Variants in PHLDB1 observed in about 807,000 individuals in gnomAD.
The protein encoded by PHLDB1 is pleckstrin homology-like domain family B member 1.
Under a neutral mutation model 139.3 loss-of-function variants are expected in PHLDB1, and 65 were observed. That is an observed-to-expected ratio of 0.47 (90% CI 0.38 to 0.57). PHLDB1 has a LOEUF of 0.57. Among genes scored for constraint, PHLDB1 ranks in the 20% least tolerant of loss-of-function variants. PHLDB1 has a pLI of 0.00. For missense variants in PHLDB1, 1,624 were observed against 1,839.7 expected, an observed-to-expected ratio of 0.88 and a Z score of 2.14; for synonymous variants, 679 against 734.5, an observed-to-expected ratio of 0.92 and a Z score of 1.22.
intron 22 of PHLDB1, among the ~76,000 whole-genome samples, 179 bp from the exon 23 acceptor site, chr11:118,656,503 AG>A (rs1949089397): frequency 6.6e-6 from 1 of 152,172 alleles, no homozygotes; most frequent in Admixed American, 6.5e-5. Context: ...TGGTGTGAGA[AG>A]GGAACATTTC....
At chr11:118,635,830 G>A (rs1330432343) in intron 10 of PHLDB1, among the ~76,000 whole-genome samples, 3 of 152,176 alleles carry the variant, frequency 2.0e-5, no homozygotes, top group Non-Finnish European at 4.4e-5. Context: ...CTTGGCACTG[G>A]CCCAGCAGGA....
chr11:118,608,204 G>A lies in PHLDB1; in HGVS notation c.-22+505G>A, dbSNP rs1457706712. Among the ~76,000 whole-genome samples, 3 of 152,120 alleles carry A rather than the reference G, an allele frequency of 2.0e-5. No individual in the cohort carries two copies. The highest frequency in any genetic ancestry group is 4.4e-5 in the Non-Finnish European group (3 of 67,990). On this transcript the variant is annotated intron_variant, in intron 1 of 22. Transcript: ENST00000600882. This position sits in a 1 kb window ranked among gnomAD's most constrained non-coding sequence, Gnocchi z 6.7. ...TTGATGGACCAGGAAGGGATTCGGA[G>A]TCCGGCTCAGAGTCTTGAGCGTCTA...
chr11:118,648,091 G>A lies in PHLDB1; in HGVS notation c.3654+15G>A. 3.1e-6 allele frequency: 5 copies of A among 1,612,088 alleles called. No homozygotes were observed. Among genetic ancestry groups the A allele is most frequent in the African/African-American group, 1.3e-5 (1 of 75,010 alleles). On this transcript the variant is annotated intron_variant, in intron 18 of 22. Transcript: ENST00000600882. Reference sequence around the variant, plus strand: ...AATTTTCCCAGGTGAATGGGCAGTGGGGCACAGTGGTGGTTGGTTTGACGG... The same window carrying A: ...AATTTTCCCAGGTGAATGGGCAGTGAGGCACAGTGGTGGTTGGTTTGACGG...
At position 118,635,545 on chromosome 11, in the gene PHLDB1, G is replaced by T; in HGVS notation, c.2532G>T (p.Arg844Ser). Reference sequence around the variant, plus strand: ...AGCTGCTCCGCAGCATCGCCAAGAGGAAGGTGTGCCCCACCTCGTTCCCTG... The same window carrying T: ...AGCTGCTCCGCAGCATCGCCAAGAGTAAGGTGTGCCCCACCTCGTTCCCTG... ...KAELLRSIAK[R>S]KERLAILDSQ... is the part of the protein sequence containing the mutation. The change falls in exon 10 of 23, where the codon AGG becomes AGT. Residue 844 changes from arginine to serine, a missense_variant. Coordinates refer to ENST00000600882, the MANE Select transcript of PHLDB1 (RefSeq NM_001144758.3). 1 of 1,544,070 alleles carries T rather than the reference G, an allele frequency of 6.5e-7. No homozygotes were observed. The highest frequency in any genetic ancestry group is 2.3e-5 in the East Asian group (1 of 42,594).
At chr11:118,607,089 G>C (rs1555079720), upstream of PHLDB1, among the ~76,000 whole-genome samples, 1 of 152,004 alleles carries the variant, frequency 6.6e-6, no homozygotes, top group African/African-American at 2.4e-5. Flanking sequence ...ACAGGGAGAA[G>C]ACCTGGGTAC....
intron 3 of PHLDB1, 25 bp from the exon 4 acceptor site, chr11:118,616,016 G>A: frequency 1.2e-6 from 2 of 1,601,424 alleles, no homozygotes; most frequent in Non-Finnish European, 1.7e-6. Context: ...CAACCCCTCT[G>A]ATTCAGTTTG....
intron 4 of PHLDB1, chr11:118,624,560 C>CTTCCAA (rs1219455698): frequency 4.1e-6 from 1 of 244,726 alleles, no homozygotes; most frequent in Non-Finnish European, 7.8e-6. Context: ...CCTGCCTGCC[C>CTTCCAA]TTCCAAGTGT....
At position 118,614,650 on chromosome 11, in the gene PHLDB1, G is replaced by A; in HGVS notation, c.152G>A (p.Ser51Asn). The stretch of plus-strand genomic sequence containing the variant: ...GTGAGCCTGGGCAGTGGGCGACTCA[G>A]CACAGCCATCACCCTCCTGCCGCTG... ...HLVSLGSGRL[S>N]TAITLLPLEE... The change falls in exon 3 of 23, where the codon AGC (serine) becomes AAC (asparagine). Residue 51 changes from serine to asparagine, a missense_variant. Transcript: ENST00000600882. 6.2e-7 allele frequency: 1 copy of A among 1,613,880 alleles called. No homozygotes were observed. Among genetic ancestry groups the A allele is most frequent in the East Asian group, 2.2e-5 (1 of 44,866 alleles).
chr11:118,635,051 G>A, intron 9 of PHLDB1: 1 of 497,788 alleles, frequency 2.0e-6, no homozygotes, highest in South Asian at 1.6e-5. Context: ...AGCTGAGAAG[G>A]GTCAGTTCCA....
chr11:118,623,590 G>T (rs1186933162), intron 4 of PHLDB1, among the ~76,000 whole-genome samples: 1 of 152,220 alleles, frequency 6.6e-6, no homozygotes, highest in Non-Finnish European at 1.5e-5. Flanking sequence ...CATGCAGAGG[G>T]TGCTTAGTCA....
intron 10 of PHLDB1, among the ~76,000 whole-genome samples, chr11:118,635,859 G>A (rs547359835): frequency 6.6e-6 from 1 of 152,212 alleles, no homozygotes; most frequent in African/African-American, 2.4e-5. Flanking sequence ...GATGGAGGAG[G>A]AGGAGGCTTG....
chr11:118,633,325 G>A (rs1281991801), intron 9 of PHLDB1: 1 of 152,286 alleles, frequency 6.6e-6, no homozygotes, highest in Admixed American at 6.5e-5. Flanking sequence ...GCATTGGCAG[G>A]AGGGGTATGA....
At chr11:118,644,363 G>A in intron 15 of PHLDB1, 189 bp downstream of exon 15, 1 of 595,204 alleles carries the variant, frequency 1.7e-6, no homozygotes, top group Non-Finnish European at 3.0e-6. Context: ...CTTCAGGGCA[G>A]GAGACTAAGG....
chr11:118,644,746 A>G lies in PHLDB1; in HGVS notation c.3121+572A>G, dbSNP rs1000406875. ...TTGGCCAGGCAGCCCCTGCCCTGGC[A>G]TCAGCATGATGTGTCCTGCCCAGGT... On this transcript the variant is annotated intron_variant, in intron 15 of 22. Transcript: ENST00000600882. 4.3e-6 allele frequency: 5 copies of G among 1,168,068 alleles called. No individual in the cohort carries two copies. In the African/African-American group the frequency reaches 6.3e-5, roughly 15 times the overall value. 72.4% of individuals were successfully genotyped at this position (1,168,068 alleles called of 1,614,324 possible). A position where few individuals can be genotyped will look rare whatever the true frequency, so the allele number is the denominator to read the frequency against.
At chr11:118,655,008 A>T (rs538321449) in intron 20 of PHLDB1, 1 of 152,314 alleles carries the variant, frequency 6.6e-6, no homozygotes, top group South Asian at 2.1e-4. Flanking sequence ...ATGAGCCACC[A>T]TGCCTGGCCT....
chr11:118,647,766 T>C, intron 17 of PHLDB1, 164 bp from the exon 18 acceptor site: 1 of 701,008 alleles, frequency 1.4e-6, no homozygotes. Flanking sequence ...AGCATTTCTC[T>C]TTAACCAGCC....
chr11:118,622,125 G>A (rs1397310700), intron 4 of PHLDB1, among the ~76,000 whole-genome samples: 3 of 152,142 alleles, frequency 2.0e-5, no homozygotes, highest in African/African-American at 4.8e-5. Context: ...CAGATGTGCA[G>A]CTCCTCCACC....
At chr11:118,643,400 C>A in intron 13 of PHLDB1, 1 of 402,244 alleles carries the variant, frequency 2.5e-6, no homozygotes, top group Non-Finnish European at 3.4e-6. Context: ...CCTTCTTTTG[C>A]AGATAAGGAA....
rs186843850 is a variant in PHLDB1 at position 118,647,311 on chromosome 11, A to G, written c.3508-619A>G. 9.2e-5 allele frequency: 14 copies of G among 152,400 alleles called. 1 individual carries two copies. The East Asian group carries it at 2.5e-3, about 27-fold the overall frequency. 9.4% of individuals were successfully genotyped at this position (152,400 alleles called of 1,614,324 possible). ...CCATTTATTTTTTGAGTGCTTTCCA[A>G]CTGGAATCAGTGATGGGCATTTATC... On this transcript the variant is annotated intron_variant, in intron 17 of 22. Transcript: ENST00000600882.
Sources: gnomAD v4.1 joint callset for allele counts (sites outside exome capture counted in the v4.1 genomes callset) on GRCh38, gnomAD v4.1.1 for gene constraint, Gnocchi (gnomAD v3.1) non-coding constraint, MANE v1.5 for transcripts, NCBI Gene and HGNC (gene_info 2026-07-23, HGNC 2026-07-21) for gene names.